DCAF5: variants seen among roughly 807,000 people sequenced by gnomAD.
The protein encoded by DCAF5 is DDB1 and CUL4 associated factor 5.
DCAF5 carries 9 observed loss-of-function variants against 80.7 expected under a neutral mutation model. The ratio of observed to expected loss-of-function variants is 0.11; its 90% CI spans 0.07 to 0.19. DCAF5 has a LOEUF of 0.19. DCAF5 is among the 10% of genes least tolerant of loss of function. DCAF5 has a pLI of 1.00. For missense variants in DCAF5, 842 were observed against 1,205.7 expected (o/e 0.70, Z 4.47); for synonymous variants, 433 against 461.9 (o/e 0.94, Z 0.80).
intron 5 of DCAF5, among the ~76,000 whole-genome samples, chr14:69,093,516 C>A (rs1265806705): frequency 6.6e-6 from 1 of 152,130 alleles, no homozygotes; most frequent in Non-Finnish European, 1.5e-5. Flanking sequence ...AGGAAGATAA[C>A]ACATTTTCTT....
chr14:69,063,364 C>A (rs558378486), intron 7 of DCAF5, among the ~76,000 whole-genome samples: 3 of 152,216 alleles, frequency 2.0e-5, no homozygotes, highest in Non-Finnish European at 2.9e-5. Flanking sequence ...GGTATCACAT[C>A]CATCCAGAAC....
rs985968699 is a variant in DCAF5, at chr14:69,090,990, T to C, written c.879+684A>G. The C allele has an allele frequency of 8.2e-5, 56 of 685,796 alleles. 1 individual carries two copies. Among genetic ancestry groups the C allele is most frequent in the Non-Finnish European group, 1.4e-4 (53 of 372,758 alleles). The allele number at this position is 685,796 out of a possible 1,614,324, so 42.5% of individuals were successfully genotyped here. A position where few individuals can be genotyped will look rare whatever the true frequency, so the allele number is the denominator to read the frequency against. ...GCTTGGTGACCCAGATTAGCCCAACTGGTCACTGACACTTCAGAACTTCTA... is the reference window on the plus strand; with the variant it reads ...GCTTGGTGACCCAGATTAGCCCAACCGGTCACTGACACTTCAGAACTTCTA... On this transcript the variant is annotated intron_variant, in intron 6 of 8. Coordinates refer to ENST00000341516, the MANE Select transcript of DCAF5 (RefSeq NM_003861.3).
At position 69,054,771 on chromosome 14, in the gene DCAF5, T is replaced by C; in HGVS notation, c.1915A>G (p.Thr639Ala). 1 of 1,614,208 alleles carries C rather than the reference T, an allele frequency of 6.2e-7. No homozygotes were observed. The highest frequency in any genetic ancestry group is 8.5e-7 in the Non-Finnish European group (1 of 1,180,036). ...GCCCGGCTTGGTTGAATCTCTAGCGTGGAAGTGCTCCGCTCAGGGGACGAG... is the reference window on the plus strand; with the variant it reads ...GCCCGGCTTGGTTGAATCTCTAGCGCGGAAGTGCTCCGCTCAGGGGACGAG... Reference protein sequence around the residue: ...PTSSPERSTSTLEIQPSRASP... With the variant: ...PTSSPERSTSALEIQPSRASP... Residue 639 changes from threonine to alanine, a missense_variant, in exon 9 of 9, where the codon ACG (threonine) becomes GCG (alanine). This residue lies in a region of DCAF5 where 607 missense variants were observed against 656.6 expected (regional missense o/e 0.92). Transcript: ENST00000341516.
At chr14:69,108,643 G>C (rs1189656725) in intron 5 of DCAF5, among the ~76,000 whole-genome samples, 2 of 152,104 alleles carry the variant, frequency 1.3e-5, no homozygotes, top group Non-Finnish European at 2.9e-5. Context: ...AAACAAAGAA[G>C]TTTAAGAAAG....
Position 69,053,619 on chromosome 14 carries a change from G to A in DCAF5, c.*238C>T. 2.0e-6 allele frequency: 1 copy of A among 494,440 alleles called. No individual in the cohort carries two copies. Among genetic ancestry groups the A allele is most frequent in the Non-Finnish European group, 3.5e-6 (1 of 285,576 alleles). The allele number at this position is 494,440 out of a possible 1,614,324, so 30.6% of individuals were successfully genotyped here. A position where few individuals can be genotyped will look rare whatever the true frequency, so the allele number is the denominator to read the frequency against. On this transcript the variant is annotated 3_prime_UTR_variant, in exon 9 of 9. Transcript: ENST00000341516. ...CACTACGCTCACGTCTCACTAGAAA[G>A]GAGTCACTTGGGTTATTTTTTTTTC...
Position 69,105,043 on chromosome 14 carries a change from T to TTTTTAAATTATC in DCAF5, c.665+11322_665+11323insGATAATTTAAAA, listed in dbSNP as rs1278541652. On this transcript the variant is annotated intron_variant, in intron 5 of 8. Coordinates refer to ENST00000341516, the MANE Select transcript of DCAF5 (RefSeq NM_003861.3). ...TGGAATAATATTGTGGTTATGTTTT[T>TTTTTAAATTATC]TTTTTAATTATCTTTTTATGGAAAG... is the stretch of plus-strand genomic sequence containing the variant. Among the ~76,000 whole-genome samples, 10 of 152,276 alleles carry TTTTTAAATTATC rather than the reference T, an allele frequency of 6.6e-5. No individual in the cohort carries two copies. In the South Asian group the frequency reaches 1.7e-3, roughly 25 times the overall value.
chr14:69,140,220 T>C (rs1262850428), intron 1 of DCAF5, among the ~76,000 whole-genome samples: 1 of 151,250 alleles, frequency 6.6e-6, no homozygotes, highest in Non-Finnish European at 1.5e-5. Flanking sequence ...TGAGTCAAGA[T>C]AGCGCCATTG....
At chr14:69,126,796 A>G (rs998860711) in intron 1 of DCAF5, among the ~76,000 whole-genome samples, 56 of 152,266 alleles carry the variant, frequency 3.7e-4, no homozygotes, top group Non-Finnish European at 7.7e-4. Flanking sequence ...GCAAAGACAA[A>G]ACAATGGAGC....
chr14:69,057,833 T>C (rs1209454233), intron 8 of DCAF5, among the ~76,000 whole-genome samples: 1 of 152,072 alleles, frequency 6.6e-6, no homozygotes, highest in African/African-American at 2.4e-5. Flanking sequence ...AACAAAACCT[T>C]CACTCCAGAC....
intron 5 of DCAF5, among the ~76,000 whole-genome samples, chr14:69,095,169 T>C (rs1476646841): frequency 6.6e-6 from 1 of 152,142 alleles, no homozygotes; most frequent in Non-Finnish European, 1.5e-5. Flanking sequence ...GGTGCCTCTA[T>C]ACAAACAAGA....
At chr14:69,140,963 G>T (rs570977082) in intron 1 of DCAF5, among the ~76,000 whole-genome samples, 2 of 151,704 alleles carry the variant, frequency 1.3e-5, no homozygotes, top group Non-Finnish European at 2.9e-5. Flanking sequence ...GTGAAACCCC[G>T]TCTTTACTAA....
intron 7 of DCAF5, among the ~76,000 whole-genome samples, chr14:69,070,262 CAA>C (rs773841845): frequency 6.6e-6 from 1 of 152,152 alleles, no homozygotes; most frequent in East Asian, 1.9e-4. Flanking sequence ...TAAATATTTT[CAA>C]GAGACACCTA....
intron 7 of DCAF5, among the ~76,000 whole-genome samples, chr14:69,063,684 T>C (rs2038319911): frequency 1.3e-5 from 2 of 152,196 alleles, no homozygotes; most frequent in Non-Finnish European, 1.5e-5. Flanking sequence ...TACAACAATG[T>C]CCCTTCCCCA....
chr14:69,065,078 T>C (rs1279599118), intron 7 of DCAF5, among the ~76,000 whole-genome samples: 1 of 151,052 alleles, frequency 6.6e-6, no homozygotes, highest in Admixed American at 6.7e-5. Context: ...TCTCTTGCAC[T>C]TTCATGCAAT....
In DCAF5 at chr14:69,119,208, G is replaced by A. The variant is rs767865104; in HGVS notation, c.381C>T (p.Leu127=). The change falls in exon 3 of 9, where the codon CTC becomes CTT. Residue 127 remains leucine (L), a synonymous_variant. Transcript: ENST00000341516. ...AATCTATTTACCTTTCAACATCATG[G>A]AGGATAACTTGCTCATCATTGCCTG... ...FSGGNDEQVI[L]HDVESSETLD... 4 of 1,613,416 alleles carry A rather than the reference G, an allele frequency of 2.5e-6. No homozygotes were observed. The highest frequency in any genetic ancestry group is 4.5e-5 in the East Asian group (2 of 44,810).
At position 69,152,083 on chromosome 14, in the gene DCAF5, A is replaced by G. The variant is rs1200821406; in HGVS notation, c.214+682T>C. Among the ~76,000 whole-genome samples the G allele has an allele frequency of 3.3e-5, 5 of 152,114 alleles. No individual in the cohort carries two copies. Among genetic ancestry groups the G allele is most frequent in the Admixed American group, 2.0e-4 (3 of 15,280 alleles). On this transcript the variant is annotated intron_variant, in intron 1 of 8. Coordinates refer to ENST00000341516, the MANE Select transcript of DCAF5 (RefSeq NM_003861.3). The surrounding 1 kb of genome is among the most constrained non-coding windows in gnomAD (Gnocchi z 4.1). ...ATTCAAGTTCAGGCTGGTGCCCTTT[A>G]GCCTCCACAGCCCTCGCCACTCTCG...
intron 1 of DCAF5, among the ~76,000 whole-genome samples, chr14:69,146,211 A>T (rs1233020986): frequency 6.6e-6 from 1 of 152,218 alleles, no homozygotes. Context: ...AAATCAAATT[A>T]AAAATGATCC....
intron 1 of DCAF5, among the ~76,000 whole-genome samples, chr14:69,134,116 G>GAAACTGAGGCACA (rs1343862923): frequency 6.6e-6 from 1 of 152,114 alleles, no homozygotes; most frequent in Non-Finnish European, 1.5e-5. Context: ...TGCCAGTGAG[G>GAAACTGAGGCACA]AAACTGAGGC....
At chr14:69,097,259 C>T (rs2039753691) in intron 5 of DCAF5, among the ~76,000 whole-genome samples, 1 of 152,194 alleles carries the variant, frequency 6.6e-6, no homozygotes, top group Non-Finnish European at 1.5e-5. Flanking sequence ...TTTCCTCCAA[C>T]TGCTGACTGA....
Sources: allele counts gnomAD v4.1 joint callset (sites outside exome capture counted in the v4.1 genomes callset), GRCh38; gene constraint gnomAD v4.1.1; regional missense constraint gnomAD v4.1.1; non-coding constraint Gnocchi (gnomAD v3.1); transcripts MANE v1.5; gene names NCBI Gene and HGNC (gene_info 2026-07-23, HGNC 2026-07-21).